Variants in ZFAT observed in about 807,000 individuals in gnomAD.
ZFAT encodes the protein zinc finger protein ZFAT.
ZFAT carries 64 observed loss-of-function variants against 117.7 expected under a neutral mutation model. That is an observed-to-expected ratio of 0.54 (90% CI 0.44 to 0.67). The LOEUF (loss-of-function observed/expected upper bound fraction) is 0.67. ZFAT is among the 30% of genes least tolerant of loss of function. The pLI is 0.00. For missense variants in ZFAT, 1,433 were observed against 1,584.5 expected (o/e 0.90, Z 1.62); for synonymous variants, 679 against 615.0 (o/e 1.10, Z -1.54).
chr8:134,669,446 T>C (rs1412430564), intron 1 of ZFAT, among the ~76,000 whole-genome samples: 1 of 152,200 alleles, frequency 6.6e-6, no homozygotes, highest in African/African-American at 2.4e-5. Flanking sequence ...GAAGCCAATA[T>C]TCAACATTCT....
intron 1 of ZFAT, among the ~76,000 whole-genome samples, chr8:134,670,434 C>G (rs994991734): frequency 2.0e-5 from 3 of 152,242 alleles, no homozygotes; most frequent in Non-Finnish European, 4.4e-5. Context: ...AACTAGAACT[C>G]AGGATTAAGA....
At chr8:134,623,912 A>G (rs1380637814) in intron 3 of ZFAT, among the ~76,000 whole-genome samples, 2 of 151,860 alleles carry the variant, frequency 1.3e-5, no homozygotes, top group African/African-American at 4.8e-5. Context: ...CCCTTCCACA[A>G]GCTCTCCCAA....
chr8:134,708,675 A>G (rs1813874689), intron 1 of ZFAT, among the ~76,000 whole-genome samples: 1 of 152,100 alleles, frequency 6.6e-6, no homozygotes, highest in Non-Finnish European at 1.5e-5. Flanking sequence ...TTACTCGGCC[A>G]GGCACAGCGG....
rs1027325476 is a variant in ZFAT, at chr8:134,648,738, A to C, written c.196+8823T>G. 6.6e-5 allele frequency among the ~76,000 whole-genome samples: 10 copies of C among 152,120 alleles called. 1 individual carries two copies. The highest frequency in any genetic ancestry group is 6.2e-4 in the South Asian group (3 of 4,828). The stretch of plus-strand genomic sequence containing the variant: ...AGAAGAATTAACACCAATACTTAAA[A>C]ATTTTTCCAAAAAATAGAAGAGGAG... On this transcript the variant is annotated intron_variant, in intron 2 of 15. Transcript: ENST00000377838.
intron 3 of ZFAT, among the ~76,000 whole-genome samples, chr8:134,611,553 C>T (rs752701144): frequency 6.6e-6 from 1 of 152,116 alleles, no homozygotes; most frequent in Non-Finnish European, 1.5e-5. Flanking sequence ...CATCAATGTA[C>T]ATGGAGACCA....
chr8:134,831,634 T>C, the ZFAT span, among the ~76,000 whole-genome samples: 1 of 152,118 alleles, frequency 6.6e-6, no homozygotes, highest in Non-Finnish European at 1.5e-5. Context: ...CGGATAAACA[T>C]TTCCCGAAAG....
At chr8:134,693,334 C>T (rs1242682143) in intron 1 of ZFAT, among the ~76,000 whole-genome samples, 1 of 152,184 alleles carries the variant, frequency 6.6e-6, no homozygotes. Flanking sequence ...CCCACTTTAA[C>T]ACAACTGGCC....
At chr8:134,590,180 A>C in intron 8 of ZFAT, 88 bp downstream of exon 8, 2 of 971,288 alleles carry the variant, frequency 2.1e-6, no homozygotes, top group Non-Finnish European at 3.1e-6. Flanking sequence ...TTTTATTTCT[A>C]TATAGTGCAG....
chr8:134,536,781 A>G (rs1821874270), intron 11 of ZFAT, among the ~76,000 whole-genome samples: 1 of 152,248 alleles, frequency 6.6e-6, no homozygotes, highest in African/African-American at 2.4e-5. Context: ...CTTAAATATC[A>G]ACTCCAAAGA....
At chr8:134,716,124 C>A (rs1814208218), upstream of ZFAT, among the ~76,000 whole-genome samples, 1 of 150,854 alleles carries the variant, frequency 6.6e-6, no homozygotes, top group South Asian at 2.1e-4. Flanking sequence ...CAAAGCAAGA[C>A]CCTGTCCCTA....
rs181326456 is a variant in ZFAT, at chr8:134,620,581, A to G, written c.449-9926T>C. On this transcript the variant is annotated intron_variant, in intron 3 of 15. Coordinates refer to ENST00000377838, the MANE Select transcript of ZFAT (RefSeq NM_020863.4). ...AGAAAGCCAGAGTTCTGTTCAACAA[A>G]TAAATGCCTATCTCCCTTGCACTGA... 2.0e-4 allele frequency among the ~76,000 whole-genome samples: 31 copies of G among 152,326 alleles called. 1 individual carries two copies. In the East Asian group the frequency reaches 4.4e-3, roughly 22 times the overall value.
rs775909010 is a variant in ZFAT at position 134,565,362 on chromosome 8, G to A, written c.2947C>T (p.Arg983Trp). 11 of 1,613,784 alleles carry A rather than the reference G, an allele frequency of 6.8e-6. No homozygotes were observed. The highest frequency in any genetic ancestry group is 2.2e-5 in the East Asian group (1 of 44,888). ...YTAAQKPQLL[R>W]HMEQHVSFKP... ...AAGGAGACATGCTGTTCCATGTGCC[G>A]CAGCAGCTGTGGCTTCTGGGCCGCT... is the stretch of plus-strand genomic sequence containing the variant. The change falls in exon 11 of 16, where the codon CGG becomes TGG. Residue 983 changes from arginine to tryptophan, a missense_variant. By Grantham distance (101) the Arg-to-Trp change is moderately radical. This residue lies in a region of ZFAT where 503 missense variants were observed against 543.4 expected (regional missense o/e 0.93). Transcript: ENST00000377838.
chr8:134,512,303 G>A (rs1261770574), intron 14 of ZFAT, among the ~76,000 whole-genome samples, 172 bp downstream of exon 14: 4 of 152,238 alleles, frequency 2.6e-5, no homozygotes, highest in Non-Finnish European at 5.9e-5. Context: ...GAGCATTTCT[G>A]GAGGCAGAGA....
the ZFAT span, chr8:134,764,987 G>A: frequency 2.0e-5 from 3 of 152,190 alleles, no homozygotes; most frequent in African/African-American, 7.2e-5. Context: ...CAGTCGCACA[G>A]CCTGTGATTT....
intron 11 of ZFAT, among the ~76,000 whole-genome samples, chr8:134,538,229 G>A (rs1013315234): frequency 1.3e-5 from 2 of 152,292 alleles, no homozygotes; most frequent in Non-Finnish European, 2.9e-5. Flanking sequence ...GGGATCAGGG[G>A]AGTCTGGAAT....
At chr8:134,585,343 C>A (rs1825996689) in intron 9 of ZFAT, among the ~76,000 whole-genome samples, 1 of 152,164 alleles carries the variant, frequency 6.6e-6, no homozygotes, top group African/African-American at 2.4e-5. Context: ...CCACACAAAC[C>A]ATACAAAGAG....
In ZFAT at chr8:134,477,905, T is replaced by G; in HGVS notation, c.*577A>C. On this transcript the variant is annotated 3_prime_UTR_variant, in exon 16 of 16. Coordinates refer to ENST00000377838, the MANE Select transcript of ZFAT (RefSeq NM_020863.4). ...ATTCCAGGATGGTAGGGCGAGACCC[T>G]GTGATGGGTGAATTTACCTCACTTG... 1 of 153,882 alleles carries G rather than the reference T, an allele frequency of 6.5e-6. No homozygotes were observed. The highest frequency in any genetic ancestry group is 1.4e-5 in the Non-Finnish European group (1 of 69,078). 9.5% of individuals were successfully genotyped at this position (153,882 alleles called of 1,614,324 possible).
chr8:134,775,296 T>C, the ZFAT span, among the ~76,000 whole-genome samples: 2 of 152,252 alleles, frequency 1.3e-5, no homozygotes, highest in Non-Finnish European at 1.5e-5. Context: ...TATATTACAA[T>C]TGAAAATTTA....
intron 12 of ZFAT, among the ~76,000 whole-genome samples, chr8:134,526,994 G>A (rs1191469046): frequency 5.3e-5 from 8 of 152,186 alleles, no homozygotes; most frequent in African/African-American, 1.9e-4. Flanking sequence ...TGGCAAAAAC[G>A]ATGTGATTCA....
Sources: allele counts gnomAD v4.1 joint callset (sites outside exome capture counted in the v4.1 genomes callset), GRCh38; gene constraint gnomAD v4.1.1; regional missense constraint gnomAD v4.1.1; transcripts MANE v1.5; gene names NCBI Gene and HGNC (gene_info 2026-07-23, HGNC 2026-07-21).